LYRM4: variants seen among roughly 807,000 people sequenced by gnomAD.
LYRM4 encodes the protein LYR motif containing 4.
LYRM4 carries 9 observed loss-of-function variants against 11.7 expected under a neutral mutation model. The ratio of observed to expected loss-of-function variants is 0.77; its 90% confidence interval spans 0.46 to 1.34. LYRM4 has a LOEUF of 1.34. Ranked by LOEUF, LYRM4 falls within the 40% of genes most tolerant of loss-of-function variation. LYRM4 has a pLI of 0.00. For synonymous variants in LYRM4, 42 were observed against 40.4 expected (o/e 1.04, Z -0.15); for missense variants, 133 against 112.5 (o/e 1.18, Z -0.82).
At chr6:5,237,039 C>T (rs576997030) in intron 1 of LYRM4, among the ~76,000 whole-genome samples, 271 of 152,122 alleles carry the variant, frequency 1.8e-3, no homozygotes, top group Non-Finnish European at 2.8e-3. Flanking sequence ...TGACTCTGTC[C>T]GTGGGAAATC....
intron 2 of LYRM4, among the ~76,000 whole-genome samples, chr6:5,129,984 A>C (rs1273725147): frequency 3.3e-5 from 5 of 152,230 alleles, no homozygotes; most frequent in African/African-American, 1.2e-4. Flanking sequence ...AGTACTTGGA[A>C]TATGCTTTTC....
chr6:5,241,642 A>G (rs1000693145), intron 1 of LYRM4, among the ~76,000 whole-genome samples: 3 of 152,222 alleles, frequency 2.0e-5, no homozygotes, highest in Non-Finnish European at 4.4e-5. Flanking sequence ...TTAGTAGAAC[A>G]TAAACTCCAT....
chr6:5,032,340 T>C, the LYRM4 span: 1 of 152,250 alleles, frequency 6.6e-6, no homozygotes, highest in South Asian at 2.1e-4. Context: ...AAATAATTAC[T>C]TTTTAGTTTT....
intron 1 of LYRM4, among the ~76,000 whole-genome samples, chr6:5,220,729 G>T (rs1180108243): frequency 1.3e-5 from 2 of 152,160 alleles, no homozygotes; most frequent in Non-Finnish European, 2.9e-5. Flanking sequence ...ATACTGTGTT[G>T]CATGCCTCCA....
At chr6:5,196,353 T>G (rs1004483223) in intron 2 of LYRM4, among the ~76,000 whole-genome samples, 2 of 152,238 alleles carry the variant, frequency 1.3e-5, no homozygotes, top group African/African-American at 4.8e-5. Context: ...TGGAGACTCA[T>G]GCCTTCTAAT....
chr6:5,205,179 T>C (rs933195302), intron 2 of LYRM4, among the ~76,000 whole-genome samples: 1 of 150,426 alleles, frequency 6.6e-6, no homozygotes, highest in Non-Finnish European at 1.5e-5. Flanking sequence ...AAAGTCACAA[T>C]AAAGTGTGTT....
chr6:5,254,305 T>C (rs1160089363), intron 1 of LYRM4, among the ~76,000 whole-genome samples: 1 of 152,130 alleles, frequency 6.6e-6, no homozygotes, highest in African/African-American at 2.4e-5. Context: ...CTCGACAACT[T>C]TTTGTAGGGA....
intron 1 of LYRM4, 32 bp downstream of exon 1, chr6:5,260,616 C>G (rs1308659822): frequency 6.7e-7 from 1 of 1,489,818 alleles, no homozygotes; most frequent in East Asian, 2.5e-5. Flanking sequence ...CCCTGGCCCC[C>G]CGCCCCCGGC....
At chr6:5,070,413 G>A in the LYRM4 span, among the ~76,000 whole-genome samples, 1 of 152,170 alleles carries the variant, frequency 6.6e-6, no homozygotes, top group East Asian at 1.9e-4. Context: ...CAGTATTATT[G>A]CTAGATAGTG....
At chr6:5,140,478 AG>A in intron 2 of LYRM4, among the ~76,000 whole-genome samples, 1 of 152,208 alleles carries the variant, frequency 6.6e-6, no homozygotes, top group East Asian at 1.9e-4. Flanking sequence ...AAAGTACATA[AG>A]GCTGTGGCGT....
At chr6:5,188,568 T>G (rs1760559478) in intron 2 of LYRM4, among the ~76,000 whole-genome samples, 1 of 152,184 alleles carries the variant, frequency 6.6e-6, no homozygotes, top group African/African-American at 2.4e-5. Flanking sequence ...GATTAAGAGC[T>G]TCGGATCTTA....
the LYRM4 span, among the ~76,000 whole-genome samples, chr6:5,057,306 C>G: frequency 6.6e-6 from 1 of 152,162 alleles, no homozygotes; most frequent in African/African-American, 2.4e-5. Flanking sequence ...AGGGGGAGCT[C>G]AAGGCCTTCC....
chr6:5,113,565 T>C (rs1221121723), intron 2 of LYRM4: 2 of 261,736 alleles, frequency 7.6e-6, no homozygotes, highest in Admixed American at 1.0e-4. Context: ...AGGTGGATGC[T>C]GTAAGAATCA....
intron 2 of LYRM4, among the ~76,000 whole-genome samples, chr6:5,158,832 C>A (rs1758574912): frequency 6.6e-6 from 1 of 152,182 alleles, no homozygotes; most frequent in Non-Finnish European, 1.5e-5. Context: ...CAGCCATTGC[C>A]TTTGCCAGGC....
chr6:5,217,426 C>T (rs991219725), intron 1 of LYRM4, among the ~76,000 whole-genome samples: 4 of 152,320 alleles, frequency 2.6e-5, no homozygotes, highest in Admixed American at 2.0e-4. Context: ...GCTTGCCCAT[C>T]GGACAGGCTT....
chr6:5,134,657 T>C (rs1168907011), intron 2 of LYRM4, among the ~76,000 whole-genome samples: 1 of 152,146 alleles, frequency 6.6e-6, no homozygotes, highest in East Asian at 1.9e-4. Context: ...GGATGAAAAA[T>C]ACCATCTATT....
chr6:5,066,534 TC>T, the LYRM4 span: 1 of 815,182 alleles, frequency 1.2e-6, no homozygotes. Flanking sequence ...TTTAAAGAAG[TC>T]ACAGTGAATC....
At chr6:5,092,506 T>C in the LYRM4 span, among the ~76,000 whole-genome samples, 1 of 151,680 alleles carries the variant, frequency 6.6e-6, no homozygotes, top group Non-Finnish European at 1.5e-5. Flanking sequence ...GGTCAGGAGT[T>C]CGAGAACAGC....
chr6:5,216,256 A>C (rs1762268113), intron 2 of LYRM4, among the ~76,000 whole-genome samples: 1 of 152,256 alleles, frequency 6.6e-6, no homozygotes, highest in Non-Finnish European at 1.5e-5. Flanking sequence ...AATTATGATT[A>C]AAAATACTAG....
Sources: allele counts gnomAD v4.1 joint callset (sites outside exome capture counted in the v4.1 genomes callset), GRCh38; gene constraint gnomAD v4.1.1; transcripts MANE v1.5; gene names NCBI Gene and HGNC (gene_info 2026-07-23, HGNC 2026-07-21).